Variants in POC1B observed in about 807,000 individuals in gnomAD.
POC1B encodes the protein POC1 centriolar protein homolog B.
Under a neutral mutation model 60.6 loss-of-function variants are expected in POC1B, and 44 were observed. That is an observed-to-expected ratio of 0.73 (90% CI 0.57 to 0.93). The LOEUF (loss-of-function observed/expected upper bound fraction) is 0.93, where lower values mean the gene tolerates loss of function less well. Ranked by LOEUF, POC1B falls within the 40% of genes least tolerant of loss-of-function variation. POC1B has a pLI of 0.00. For missense variants in POC1B, 555 were observed against 572.3 expected, an observed-to-expected ratio of 0.97 and a Z score of 0.31; for synonymous variants, 180 against 198.9, an observed-to-expected ratio of 0.90 and a Z score of 0.80.
intron 2 of POC1B, among the ~76,000 whole-genome samples, chr12:89,514,871 C>G (rs1870375880): frequency 6.6e-6 from 1 of 152,196 alleles, no homozygotes; most frequent in Admixed American, 6.5e-5. Flanking sequence ...CAATCTCTCA[C>G]TCCCATAATG....
intron 4 of POC1B, among the ~76,000 whole-genome samples, chr12:89,473,623 T>C (rs917636220): frequency 2.3e-5 from 3 of 132,486 alleles, no homozygotes; most frequent in African/African-American, 5.8e-5. Context: ...ATTGTGCCAC[T>C]GCACTCCAGC....
chr12:89,504,127 C>G (rs563002901), intron 2 of POC1B, among the ~76,000 whole-genome samples: 3 of 151,922 alleles, frequency 2.0e-5, no homozygotes, highest in African/African-American at 7.3e-5. Flanking sequence ...TCATTGAGAA[C>G]GGGCCATGAT....
At chr12:89,508,074 A>G (rs1344215062) in intron 2 of POC1B, among the ~76,000 whole-genome samples, 1 of 152,244 alleles carries the variant, frequency 6.6e-6, no homozygotes, top group East Asian at 1.9e-4. Flanking sequence ...CCTTCCCAGA[A>G]GCAACCAGCA....
intron 4 of POC1B, among the ~76,000 whole-genome samples, chr12:89,479,028 C>T (rs1256254917): frequency 1.3e-5 from 2 of 152,164 alleles, no homozygotes; most frequent in Admixed American, 6.5e-5. Flanking sequence ...TTCTCACCTA[C>T]ATACATGTAT....
intron 2 of POC1B, chr12:89,502,391 G>A (rs1260325589): frequency 3.8e-6 from 6 of 1,566,224 alleles, no homozygotes; most frequent in East Asian, 4.5e-5. Context: ...TATCAAGGAA[G>A]GCCATCAGGA....
intron 10 of POC1B, among the ~76,000 whole-genome samples, chr12:89,445,891 G>T (rs1198446110): frequency 1.3e-5 from 2 of 152,040 alleles, no homozygotes; most frequent in African/African-American, 4.8e-5. Flanking sequence ...CATCTACAAA[G>T]AACTTAAACA....
At chr12:89,486,486 G>A (rs1395333311) in intron 4 of POC1B, among the ~76,000 whole-genome samples, 1 of 152,168 alleles carries the variant, frequency 6.6e-6, no homozygotes, top group African/African-American at 2.4e-5. Context: ...GCTGCAAGAA[G>A]GTGAATGGTG....
chr12:89,435,946 T>G lies in POC1B; in HGVS notation c.1114-10567A>C, dbSNP rs567926189. On this transcript the variant is annotated intron_variant, in intron 10 of 11. Transcript: ENST00000313546. ...GTAAGCAGGAAGTTTTTTTCTTGTT[T>G]GTTTGTTTTTTTTTTTTGAGACAGA... 3.6e-3 allele frequency among the ~76,000 whole-genome samples: 552 copies of G among 151,484 alleles called. 1 individual carries two copies. Among genetic ancestry groups the G allele is most frequent in the Non-Finnish European group, 6.4e-3 (436 of 67,834 alleles).
the POC1B span, among the ~76,000 whole-genome samples, chr12:89,404,980 T>A: frequency 6.6e-6 from 1 of 152,152 alleles, no homozygotes; most frequent in African/African-American, 2.4e-5. Context: ...ATGAAGTAGA[T>A]CAGTGGCAAC....
chr12:89,448,087 C>G (rs752427812), intron 10 of POC1B, among the ~76,000 whole-genome samples: 3 of 152,040 alleles, frequency 2.0e-5, no homozygotes, highest in Admixed American at 6.6e-5. Context: ...AGCCTTGCCC[C>G]CAAGATTTCC....
Position 89,501,051 on chromosome 12 carries a change from T to G in POC1B, c.101-3709A>C, listed in dbSNP as rs1869539902. The G allele has an allele frequency of 2.2e-5, 24 of 1,078,782 alleles. No homozygotes were observed. In the South Asian group the frequency reaches 3.0e-4, roughly 14 times the overall value. The allele number at this position is 1,078,782 out of a possible 1,614,324, so 66.8% of individuals were successfully genotyped here. A position where few individuals can be genotyped will look rare whatever the true frequency, so the allele number is the denominator to read the frequency against. ...AGATCAAAGTTTTGCCAGTAGATCT[T>G]GGGATTACTATACCAAGAAAGGCGG... On this transcript the variant is annotated intron_variant, in intron 2 of 11. Transcript: ENST00000313546.
intron 2 of POC1B, chr12:89,520,902 T>C (rs915309873): frequency 3.3e-5 from 5 of 152,182 alleles, no homozygotes; most frequent in Admixed American, 6.5e-5. Flanking sequence ...GTAAAAATAC[T>C]TTTAAAAAAA....
chr12:89,416,803 T>A (rs1309589733), downstream of POC1B, among the ~76,000 whole-genome samples: 1 of 152,228 alleles, frequency 6.6e-6, no homozygotes, highest in African/African-American at 2.4e-5. Context: ...TTAAAAACTA[T>A]GAGCCAAGCA....
At chr12:89,523,447 GC>G in intron 2 of POC1B, 1 of 1,614,050 alleles carries the variant, frequency 6.2e-7, no homozygotes, top group South Asian at 1.1e-5. Context: ...AGCATATGGT[GC>G]CCGCTTGGGG....
intron 2 of POC1B, chr12:89,519,645 A>G (rs1870678999): frequency 6.6e-6 from 1 of 152,612 alleles, no homozygotes; most frequent in Admixed American, 6.5e-5. Flanking sequence ...CCCTAAACCA[A>G]CTAAGACTAT....
rs142761768 is a variant in POC1B, at chr12:89,454,848, T to C, written c.1113+4790A>G. ...GAGCAGGTATTTTTGTTTCTTCACA[T>C]TCTCTAAAGCCAAGAATAGTAAGTT... is the stretch of plus-strand genomic sequence containing the variant. On this transcript the variant is annotated intron_variant, in intron 10 of 11. Coordinates refer to ENST00000313546, the MANE Select transcript of POC1B (RefSeq NM_172240.3). Among the ~76,000 whole-genome samples, 577 of 152,330 alleles carry C rather than the reference T, an allele frequency of 3.8e-3. 1 individual carries two copies. Among genetic ancestry groups the C allele is most frequent in the Non-Finnish European group, 4.6e-3 (316 of 68,020 alleles).
In POC1B at chr12:89,459,657, A is replaced by G; in HGVS notation, c.1094T>C (p.Leu365Pro). 6.6e-7 allele frequency: 1 copy of G among 1,524,076 alleles called. No homozygotes were observed. Among genetic ancestry groups the G allele is most frequent in the Non-Finnish European group, 8.8e-7 (1 of 1,132,864 alleles). The allele number at this position is 1,524,076 out of a possible 1,614,324, so 94.4% of individuals were successfully genotyped here. A position where few individuals can be genotyped will look rare whatever the true frequency, so the allele number is the denominator to read the frequency against. The change falls in exon 10 of 12, where the codon CTT (leucine) becomes CCT (proline). Residue 365 changes from leucine (L) to proline (P), a missense_variant. Coordinates refer to ENST00000313546, the MANE Select transcript of POC1B (RefSeq NM_172240.3). ...QISTPPVMDI[L>P]SFDSTTTTET... Reference sequence around the variant, plus strand: ...ACTTACTGTGGTAGAATCAAAAGAAAGGATATCCATAACAGGGGGAGTAGA... The same window carrying G: ...ACTTACTGTGGTAGAATCAAAAGAAGGGATATCCATAACAGGGGGAGTAGA...
At chr12:89,429,664 G>A (rs912790806) in intron 10 of POC1B, among the ~76,000 whole-genome samples, 4 of 152,130 alleles carry the variant, frequency 2.6e-5, no homozygotes, top group Non-Finnish European at 4.4e-5. Context: ...TCCCTGTTGC[G>A]ATGAGAGAAT....
At chr12:89,510,638 C>T (rs1343921515) in intron 2 of POC1B, among the ~76,000 whole-genome samples, 1 of 152,214 alleles carries the variant, frequency 6.6e-6, no homozygotes, top group Non-Finnish European at 1.5e-5. Context: ...TGCCTGAAAA[C>T]AGCTAACTCA....
Sources: allele counts gnomAD v4.1 joint callset (sites outside exome capture counted in the v4.1 genomes callset), GRCh38; gene constraint gnomAD v4.1.1; transcripts MANE v1.5; gene names NCBI Gene and HGNC (gene_info 2026-07-23, HGNC 2026-07-21).